The following SLC12A4 variants were observed in gnomAD, a reference collection of about 807,000 sequenced individuals.
SLC12A4 encodes solute carrier family 12 member 4, also known as electroneutral potassium-chloride cotransporter 1.
A neutral mutation model predicts 119.2 loss-of-function variants in SLC12A4; 84 were observed. That is an observed-to-expected ratio of 0.70 (90% CI 0.59 to 0.85). The LOEUF is 0.85. Ranked by LOEUF, SLC12A4 falls within the 40% of genes least tolerant of loss-of-function variation. The probability of loss-of-function intolerance (pLI) is 0.00; values close to 1 mark genes in which losing one functional copy is unlikely to be tolerated. For missense variants in SLC12A4, 1,298 were observed against 1,476.3 expected, an observed-to-expected ratio of 0.88 and a Z score of 1.98; for synonymous variants, 599 against 604.6, an observed-to-expected ratio of 0.99 and a Z score of 0.14.
Position 67,943,883 on chromosome 16 carries a change from C to G in SLC12A4, c.*957G>C. 1 of 1,444,740 alleles carries G rather than the reference C, an allele frequency of 6.9e-7. No individual in the cohort carries two copies. Among genetic ancestry groups the G allele is most frequent in the Non-Finnish European group, 9.3e-7 (1 of 1,073,216 alleles). The allele number at this position is 1,444,740 out of a possible 1,614,324, so 89.5% of individuals were successfully genotyped here. On this transcript the variant is annotated 3_prime_UTR_variant, in exon 24 of 24. Transcript: ENST00000316341. This position sits in a 1 kb window ranked among gnomAD's most constrained non-coding sequence, Gnocchi z 4.6. ...GAAGGGCTTTGGCCAGGTCAGCTGC[C>G]AGGGGCTGGGGCCCAGGCTCCCCAG... is the stretch of plus-strand genomic sequence containing the variant.
chr16:67,949,818 A>T lies in SLC12A4; in HGVS notation c.1730T>A (p.Val577Glu). 6.2e-7 allele frequency: 1 copy of T among 1,610,040 alleles called. No homozygotes were observed. Among genetic ancestry groups the T allele is most frequent in the Non-Finnish European group, 8.5e-7 (1 of 1,177,842 alleles). Residue 577 changes from valine to glutamate, a missense_variant, in exon 13 of 24, where the codon GTG becomes GAG. Transcript: ENST00000316341. The surrounding 1 kb of genome is among the most constrained non-coding windows in gnomAD (Gnocchi z 4.6). The part of the protein sequence containing the change: ...LGILIASLDM[V>E]APILSMFFLM... ...AGCTCACATGGATAAGATGGGGGCC[A>T]CCATGTCGAGGGAGGCGATGAGGAT...
rs1000509098 is a variant in SLC12A4, at chr16:67,947,774, A to G, written c.1862T>C (p.Leu621Pro). The G allele has an allele frequency of 6.3e-7, 1 of 1,597,134 alleles. No homozygotes were observed. Among genetic ancestry groups the G allele is most frequent in the Non-Finnish European group, 8.5e-7 (1 of 1,172,162 alleles). ...AAGGGCCAGGCAGAGACTCATGCCC[A>G]GGAAGGACAGCGCCCTGGACGAGAG... ...FKYYHWALSF[L>P]GMSLCLALMF... Residue 621 changes from leucine to proline, a missense_variant, in exon 15 of 24, where the codon CTG becomes CCG. Coordinates refer to ENST00000316341, the MANE Select transcript of SLC12A4 (RefSeq NM_005072.5).
rs766344864 is a variant in SLC12A4, at chr16:67,949,866, G to A, written c.1682C>T (p.Thr561Met). The stretch of plus-strand genomic sequence containing the variant: ...GATGCCCAGCTCGGCGATGAGTGCC[G>A]TCAGGAGGAGTGCCCATGTGGGTTC... ...NGEPTWALLL[T>M]ALIAELGILI... is the part of the protein sequence containing the mutation. Residue 561 changes from threonine to methionine, a missense_variant, in exon 13 of 24, where the codon ACG becomes ATG. By Grantham distance (81) the Thr-to-Met change is moderately conservative. Coordinates refer to ENST00000316341, the MANE Select transcript of SLC12A4 (RefSeq NM_005072.5). The surrounding 1 kb of genome is among the most constrained non-coding windows in gnomAD (Gnocchi z 4.6). The A allele has an allele frequency of 8.7e-6, 14 of 1,610,474 alleles. No homozygotes were observed. Among genetic ancestry groups the A allele is most frequent in the Middle Eastern group, 1.7e-4 (1 of 6,026 alleles).
chr16:67,965,313 A>AG (rs1030417687), intron 1 of SLC12A4, among the ~76,000 whole-genome samples: 1 of 74,622 alleles, frequency 1.3e-5, no homozygotes, highest in African/African-American at 2.0e-4. Flanking sequence ...TTTTTGTGAC[A>AG]AAAAAAGTGT....
Position 67,951,749 on chromosome 16 carries a change from A to G in SLC12A4, c.1132+74T>C. On this transcript the variant is annotated intron_variant, in intron 8 of 23. Transcript: ENST00000316341. This position sits in a 1 kb window ranked among gnomAD's most constrained non-coding sequence, Gnocchi z 5.2. ...GCCCCCGTTCCCAAGCTGGCCACAC[A>G]AGGACAGCTCTGTGCTCTGTGCCCC... The G allele has an allele frequency of 2.2e-6, 3 of 1,347,436 alleles. No homozygotes were observed. Among genetic ancestry groups the G allele is most frequent in the South Asian group, 2.6e-5 (2 of 75,698 alleles). 83.5% of individuals were successfully genotyped at this position (1,347,436 alleles called of 1,614,324 possible).
At position 67,945,141 on chromosome 16, in the gene SLC12A4, G is replaced by A; in HGVS notation, c.3112C>T (p.Leu1038=). The A allele has an allele frequency of 6.2e-7, 1 of 1,600,466 alleles. No homozygotes were observed. Among genetic ancestry groups the A allele is most frequent in the South Asian group, 1.1e-5 (1 of 89,270 alleles). Residue 1038 remains leucine (L), a synonymous_variant, in exon 23 of 24, where the codon CTG becomes TTG. Transcript: ENST00000316341. ...GGGCCAGGCATGTTTAGGAGAACCA[G>A]GCGGGCGTCGTGGGAGCGCGTGACA... is the stretch of plus-strand genomic sequence containing the variant. ...VIVTRSHDAR[L]VLLNMPGPPR...
chr16:67,945,767 TC>T lies in SLC12A4; in HGVS notation c.2843del (p.Arg948GlnfsTer35). 1 of 1,612,976 alleles carries T rather than the reference TC, an allele frequency of 6.2e-7. No individual in the cohort carries two copies. The highest frequency in any genetic ancestry group is 8.5e-7 in the Non-Finnish European group (1 of 1,179,700). Reference sequence around the variant, plus strand: ...GTGAACCACAAAGGGCACTGACTTCTCGCTCCCGCTCAGTCTTGGTCAGTCT... The same window carrying T: ...GTGAACCACAAAGGGCACTGACTTCTGCTCCCGCTCAGTCTTGGTCAGTCT... ...QMRLTKTERE[R>X]EAQLVKDRHS... On this transcript the variant is annotated frameshift_variant, in exon 21 of 24. Transcript: ENST00000316341. LOFTEE classifies it high-confidence loss of function.
chr16:67,950,022 C>T lies in SLC12A4; in HGVS notation c.1630-104G>A. On this transcript the variant is annotated intron_variant, in intron 12 of 23. Coordinates refer to ENST00000316341, the MANE Select transcript of SLC12A4 (RefSeq NM_005072.5). The surrounding 1 kb of genome is among the most constrained non-coding windows in gnomAD (Gnocchi z 4.3). The stretch of plus-strand genomic sequence containing the variant: ...TCACCCCCAGGGCCCGCCTTGGGGG[C>T]TCAGGCCGCCCCTGTGTCTATCCCT... The T allele has an allele frequency of 1.1e-6, 1 of 885,032 alleles. No individual in the cohort carries two copies. The highest frequency in any genetic ancestry group is 1.8e-6 in the Non-Finnish European group (1 of 548,670). 54.8% of individuals were successfully genotyped at this position (885,032 alleles called of 1,614,324 possible). A position where few individuals can be genotyped will look rare whatever the true frequency, so the allele number is the denominator to read the frequency against.
At chr16:67,947,126 G>A (rs776077011) in intron 16 of SLC12A4, 21 bp from the exon 17 acceptor site, 2 of 1,566,386 alleles carry the variant, frequency 1.3e-6, no homozygotes, top group East Asian at 2.4e-5. Context: ...CGGGTGGGGG[G>A]AGCCTGAGAC....
intron 14 of SLC12A4, 37 bp downstream of exon 14, chr16:67,948,024 C>T (rs923293462): frequency 7.5e-6 from 12 of 1,602,910 alleles, no homozygotes; most frequent in Non-Finnish European, 9.4e-6. Flanking sequence ...AGGCTCCTGG[C>T]CTCCCCAGGG....
Position 67,948,086 on chromosome 16 carries a change from G to A in SLC12A4, c.1822C>T (p.Arg608Trp), listed in dbSNP as rs1161540486. ...VQTLLRTPNW[R>W]PRFKYYHWAL... Reference sequence around the variant, plus strand: ...CAGTGATAGTACTTGAACCGGGGCCGCCAGTTGGGGGTCCTCAGGAGTGTC... The same window carrying A: ...CAGTGATAGTACTTGAACCGGGGCCACCAGTTGGGGGTCCTCAGGAGTGTC... The change falls in exon 14 of 24, where the codon CGG (arginine) becomes TGG (tryptophan). Residue 608 changes from arginine to tryptophan, a missense_variant. Arg to Trp is a moderately radical substitution (Grantham distance 101). Coordinates refer to ENST00000316341, the MANE Select transcript of SLC12A4 (RefSeq NM_005072.5). 2 of 1,613,132 alleles carry A rather than the reference G, an allele frequency of 1.2e-6. No homozygotes were observed. The highest frequency in any genetic ancestry group is 2.2e-5 in the East Asian group (1 of 44,878).
rs537955526 is a variant in SLC12A4 at position 67,944,386 on chromosome 16, C to T, written c.*454G>A. ...AGGCCTCAGCTCAGCTGTCTCCATT[C>T]GGCTCAGCTTGGTGGGGGGCCCTGC... On this transcript the variant is annotated 3_prime_UTR_variant, in exon 24 of 24. Transcript: ENST00000316341. This position sits in a 1 kb window ranked among gnomAD's most constrained non-coding sequence, Gnocchi z 6.6. 7.6e-6 allele frequency: 10 copies of T among 1,321,014 alleles called. No homozygotes were observed. Among genetic ancestry groups the T allele is most frequent in the Admixed American group, 3.4e-5 (1 of 29,732 alleles). 81.8% of individuals were successfully genotyped at this position (1,321,014 alleles called of 1,614,324 possible).
chr16:67,966,640 G>C lies in SLC12A4; in HGVS notation c.115+1799C>G, dbSNP rs2030879641. On this transcript the variant is annotated intron_variant, in intron 1 of 23. Transcript: ENST00000316341. ...TGAGCAAGCCCATCTAGGCCTCCCA[G>C]AGCAGAGGTGTGGGCACTGAACTGG... The C allele has an allele frequency of 1.7e-5, 23 of 1,385,504 alleles. No homozygotes were observed. In the South Asian group the frequency reaches 2.8e-4, roughly 17 times the overall value. The allele number at this position is 1,385,504 out of a possible 1,614,324, so 85.8% of individuals were successfully genotyped here.
chr16:67,952,115 G>A (rs181902580), intron 7 of SLC12A4, 69 bp downstream of exon 7: 1 of 1,609,790 alleles, frequency 6.2e-7, no homozygotes, highest in African/African-American at 1.3e-5. Flanking sequence ...CTGGGATCTG[G>A]GGCATCAAAG....
rs750866858 is a variant in SLC12A4 at position 67,945,552 on chromosome 16, G to C, written c.2849C>G (p.Ala950Gly). The C allele has an allele frequency of 6.2e-7, 1 of 1,612,930 alleles. No homozygotes were observed. Among genetic ancestry groups the C allele is most frequent in the African/African-American group, 1.3e-5 (1 of 74,938 alleles). Residue 950 changes from alanine to glycine, a missense_variant and splice_region_variant, in exon 22 of 24, where the codon GCC becomes GGC. Coordinates refer to ENST00000316341, the MANE Select transcript of SLC12A4 (RefSeq NM_005072.5). ...RLTKTEREREAQLVKDRHSAL... is the reference protein window; with the variant it reads ...RLTKTEREREGQLVKDRHSAL... The stretch of plus-strand genomic sequence containing the variant: ...CGAGTGCCGATCCTTGACCAGCTGG[G>C]CCTGAGGACAATTGCAGGAGATAGC...
At chr16:67,947,891 C>T in intron 14 of SLC12A4, 103 bp from the exon 15 acceptor site, 10 of 1,513,676 alleles carry the variant, frequency 6.6e-6, no homozygotes, top group Non-Finnish European at 8.0e-6. Flanking sequence ...GTGGGAGGTC[C>T]CAGGTGGGTG....
At chr16:67,954,255 G>T (rs2030118526) in intron 6 of SLC12A4, 2 of 328,868 alleles carry the variant, frequency 6.1e-6, no homozygotes, top group Middle Eastern at 4.0e-4. Flanking sequence ...GATCTGAAGT[G>T]CCCTGGCACA....
chr16:67,963,837 G>C lies in SLC12A4; in HGVS notation c.116-278C>G, dbSNP rs1028645727. ...CCTAGCACAAGCACGTATGGACACTGAGGGACGGGGCCTGCAGAGGGGCGG... is the reference window on the plus strand; with the variant it reads ...CCTAGCACAAGCACGTATGGACACTCAGGGACGGGGCCTGCAGAGGGGCGG... On this transcript the variant is annotated intron_variant, in intron 1 of 23. Transcript: ENST00000316341. 4.7e-6 allele frequency: 7 copies of C among 1,492,910 alleles called. No individual in the cohort carries two copies. In the Admixed American group the frequency reaches 1.0e-4, roughly 22 times the overall value. 92.5% of individuals were successfully genotyped at this position (1,492,910 alleles called of 1,614,324 possible).
chr16:67,951,770 G>A lies in SLC12A4; in HGVS notation c.1132+53C>T. The A allele has an allele frequency of 6.8e-7, 1 of 1,469,044 alleles. No individual in the cohort carries two copies. The highest frequency in any genetic ancestry group is 9.3e-7 in the Non-Finnish European group (1 of 1,071,808). 91.0% of individuals were successfully genotyped at this position (1,469,044 alleles called of 1,614,324 possible). On this transcript the variant is annotated intron_variant, in intron 8 of 23. Coordinates refer to ENST00000316341, the MANE Select transcript of SLC12A4 (RefSeq NM_005072.5). This position sits in a 1 kb window ranked among gnomAD's most constrained non-coding sequence, Gnocchi z 5.2. ...ACACAAGGACAGCTCTGTGCTCTGTGCCCCTGCTCAGCCTGTGGGCTCAAG... is the reference window on the plus strand; with the variant it reads ...ACACAAGGACAGCTCTGTGCTCTGTACCCCTGCTCAGCCTGTGGGCTCAAG...
Sources: gnomAD v4.1 joint callset for allele counts (sites outside exome capture counted in the v4.1 genomes callset) on GRCh38, gnomAD v4.1.1 for gene constraint, Gnocchi (gnomAD v3.1) non-coding constraint, MANE v1.5 for transcripts, NCBI Gene and HGNC (gene_info 2026-07-23, HGNC 2026-07-21) for gene names.